The following PRKAA1 variants were observed in gnomAD, a reference collection of about 807,000 sequenced individuals.
The protein encoded by PRKAA1 is protein kinase AMP-activated catalytic subunit alpha 1.
In PRKAA1, 23 loss-of-function variants were observed where a neutral mutation model predicts 56.9. The ratio of observed to expected loss-of-function variants is 0.40; its 90% CI spans 0.29 to 0.57. The LOEUF (loss-of-function observed/expected upper bound fraction) is 0.57. Ranked by LOEUF, PRKAA1 falls within the 20% of genes least tolerant of loss-of-function variation. PRKAA1 has a pLI of 0.39. For missense variants in PRKAA1, 413 were observed against 679.7 expected (o/e 0.61, Z 4.36); for synonymous variants, 226 against 227.0 (o/e 1.00, Z 0.04).
intron 1 of PRKAA1, among the ~76,000 whole-genome samples, chr5:40,794,304 T>A (rs1296136000): frequency 6.6e-6 from 1 of 152,212 alleles, no homozygotes; most frequent in Non-Finnish European, 1.5e-5. Context: ...GAGAACTGTC[T>A]ATTCATATCC....
intron 2 of PRKAA1, among the ~76,000 whole-genome samples, chr5:40,776,278 A>G (rs1743999120): frequency 6.6e-6 from 1 of 152,228 alleles, no homozygotes; most frequent in Non-Finnish European, 1.5e-5. Flanking sequence ...GAAGTTAAAA[A>G]TGGTTCCTAA....
At chr5:40,765,501 C>T (rs867626108) in intron 6 of PRKAA1, among the ~76,000 whole-genome samples, 3 of 151,896 alleles carry the variant, frequency 2.0e-5, no homozygotes, top group African/African-American at 7.3e-5. Context: ...CAAATGACAG[C>T]GACAAACAAT....
intron 5 of PRKAA1, chr5:40,768,754 A>T (rs1299123255): frequency 1.5e-6 from 2 of 1,325,806 alleles, no homozygotes; most frequent in African/African-American, 3.1e-5. Flanking sequence ...TTATAAATCT[A>T]GCAAACTTCA....
intron 1 of PRKAA1, among the ~76,000 whole-genome samples, chr5:40,779,586 C>T (rs1326188501): frequency 6.6e-6 from 1 of 152,038 alleles, no homozygotes; most frequent in East Asian, 1.9e-4. Flanking sequence ...AATGGATAAA[C>T]ACGTATCACT....
In PRKAA1 at chr5:40,768,716, G is replaced by T. The variant is rs1382033491; in HGVS notation, c.596+700C>A. 4.6e-6 allele frequency: 6 copies of T among 1,297,942 alleles called. No individual in the cohort carries two copies. In the South Asian group the frequency reaches 9.0e-5, roughly 19 times the overall value. The allele number at this position is 1,297,942 out of a possible 1,614,324, so 80.4% of individuals were successfully genotyped here. A position where few individuals can be genotyped will look rare whatever the true frequency, so the allele number is the denominator to read the frequency against. On this transcript the variant is annotated intron_variant, in intron 5 of 8. Transcript: ENST00000397128. ...CAAAACATTCACACAAATAAGCATG[G>T]TTTGGGTGAAAAGTTATTAAAAGTT...
At chr5:40,796,179 G>A (rs553655309) in intron 1 of PRKAA1, among the ~76,000 whole-genome samples, 1 of 152,192 alleles carries the variant, frequency 6.6e-6, no homozygotes, top group Admixed American at 6.5e-5. Flanking sequence ...AGCCGGGTGT[G>A]GTGGTGGGCG....
At chr5:40,769,947 A>G (rs531101393) in intron 4 of PRKAA1, among the ~76,000 whole-genome samples, 44 of 152,010 alleles carry the variant, frequency 2.9e-4, no homozygotes, top group South Asian at 6.2e-4. Flanking sequence ...TACTCCAAAA[A>G]GAAACTGTTG....
rs762880586 is a variant in PRKAA1 at position 40,775,511 on chromosome 5, G to C, written c.270-8C>G. On this transcript the variant is annotated splice_region_variant and splice_polypyrimidine_tract_variant and intron_variant, in intron 2 of 8. Transcript: ENST00000397128. ...GTACTGATGACCTGGTACCTGGTGA[G>C]AGAAAACATTGTCTACAAATATTAA... The C allele has an allele frequency of 1.2e-5, 19 of 1,550,800 alleles. No individual in the cohort carries two copies. In the Admixed American group the frequency reaches 3.2e-4, roughly 26 times the overall value.
Position 40,762,557 on chromosome 5 carries a change from A to G in PRKAA1, c.*221T>C, listed in dbSNP as rs1421305162. The G allele has an allele frequency of 5.6e-6, 3 of 536,654 alleles. No individual in the cohort carries two copies. The highest frequency in any genetic ancestry group is 9.7e-6 in the Non-Finnish European group (3 of 308,210). 33.2% of individuals were successfully genotyped at this position (536,654 alleles called of 1,614,324 possible). A position where few individuals can be genotyped will look rare whatever the true frequency, so the allele number is the denominator to read the frequency against. On this transcript the variant is annotated 3_prime_UTR_variant, in exon 9 of 9. Coordinates refer to ENST00000397128, the MANE Select transcript of PRKAA1 (RefSeq NM_006251.6). ...AGACCTATAATTCACTGTGTATATT[A>G]TGCTATATACATACTGCACAATGAA...
At chr5:40,779,183 C>T (rs1453717314) in intron 1 of PRKAA1, among the ~76,000 whole-genome samples, 1 of 151,494 alleles carries the variant, frequency 6.6e-6, no homozygotes, top group Non-Finnish European at 1.5e-5. Flanking sequence ...TATCACTAGA[C>T]AGTCGGTGGT....
Position 40,777,556 on chromosome 5 carries a change from A to G in PRKAA1, c.158T>C (p.Val53Ala). ...VGKHELTGHK[V>A]AVKILNRQKI... is the part of the protein sequence containing the mutation. ...CTGTCGATTGAGTATCTTCACAGCT[A>G]CTTTATGCCCAGTCAATTCATGTTT... The change falls in exon 2 of 9, where the codon GTA becomes GCA. Residue 53 changes from valine (V) to alanine (A), a missense_variant. By Grantham distance (64) the Val-to-Ala change is moderately conservative. Around this residue, in one of 9 missense-constraint regions of PRKAA1, gnomAD observed 61 missense variants for 73.1 expected, o/e 0.83. Coordinates refer to ENST00000397128, the MANE Select transcript of PRKAA1 (RefSeq NM_006251.6). The G allele has an allele frequency of 6.2e-7, 1 of 1,612,656 alleles. No homozygotes were observed. The highest frequency in any genetic ancestry group is 8.5e-7 in the Non-Finnish European group (1 of 1,178,988).
At chr5:40,797,632 C>G (rs904531836) in intron 1 of PRKAA1, among the ~76,000 whole-genome samples, 2 of 152,224 alleles carry the variant, frequency 1.3e-5, no homozygotes, top group African/African-American at 2.4e-5. Context: ...CCGACAACGC[C>G]AAGGACCGCC....
chr5:40,788,631 C>T (rs895188816), intron 1 of PRKAA1, among the ~76,000 whole-genome samples: 55 of 152,102 alleles, frequency 3.6e-4, no homozygotes, highest in African/African-American at 1.3e-3. Flanking sequence ...AGTTCGAGAC[C>T]AGCCTGACCA....
intron 1 of PRKAA1, among the ~76,000 whole-genome samples, chr5:40,793,723 T>C (rs1744809040): frequency 6.6e-6 from 1 of 152,220 alleles, no homozygotes; most frequent in Non-Finnish European, 1.5e-5. Flanking sequence ...TCACTGAGTA[T>C]CCATGTCCCC....
intron 4 of PRKAA1, among the ~76,000 whole-genome samples, chr5:40,770,595 CTTTTTTTTTT>C (rs750590564): frequency 3.6e-5 from 4 of 111,912 alleles, no homozygotes; most frequent in Non-Finnish European, 7.4e-5. Context: ...AAAATAAATT[CTTTTTTTTTT>C]TTTTTTTTTT....
chr5:40,770,989 T>A (rs1355439130), intron 4 of PRKAA1, among the ~76,000 whole-genome samples: 1 of 152,064 alleles, frequency 6.6e-6, no homozygotes, highest in Non-Finnish European at 1.5e-5. Context: ...TTTTTTTAAT[T>A]AAAAAATTGT....
At chr5:40,787,021 A>T (rs914343579) in intron 1 of PRKAA1, among the ~76,000 whole-genome samples, 1 of 152,080 alleles carries the variant, frequency 6.6e-6, no homozygotes, top group Non-Finnish European at 1.5e-5. Flanking sequence ...AATAAAGAAG[A>T]CACTAATGAG....
At position 40,798,171 on chromosome 5, in the gene PRKAA1, A is replaced by T; in HGVS notation, c.19T>A (p.Trp7Arg). 6.7e-7 allele frequency: 1 copy of T among 1,494,316 alleles called. No individual in the cohort carries two copies. Among genetic ancestry groups the T allele is most frequent in the Non-Finnish European group, 9.0e-7 (1 of 1,108,924 alleles). The allele number at this position is 1,494,316 out of a possible 1,614,324, so 92.6% of individuals were successfully genotyped here. The change falls in exon 1 of 9, where the codon TGG becomes AGG. Residue 7 changes from tryptophan (W) to arginine (R), a missense_variant. Trp to Arg is a moderately radical substitution (Grantham distance 101). Coordinates refer to ENST00000397128, the MANE Select transcript of PRKAA1 (RefSeq NM_006251.6). ...TTCTCGGCTGTCGCCATCTTTCTCC[A>T]GGAACTGAGTCTGCGCATGGCGCTG... Reference protein sequence around the residue: MRRLSSWRKMATAEKQK... With the variant: MRRLSSRRKMATAEKQK...
At chr5:40,792,768 A>G (rs1379901266) in intron 1 of PRKAA1, among the ~76,000 whole-genome samples, 3 of 152,134 alleles carry the variant, frequency 2.0e-5, no homozygotes, top group African/African-American at 7.2e-5. Flanking sequence ...ACACAGAAAT[A>G]CTTACGAACT....
Sources: gnomAD v4.1 joint callset for allele counts (sites outside exome capture counted in the v4.1 genomes callset) on GRCh38, gnomAD v4.1.1 for gene constraint, gnomAD v4.1.1 regional missense constraint, MANE v1.5 for transcripts, NCBI Gene and HGNC (gene_info 2026-07-23, HGNC 2026-07-21) for gene names.